Variants in DMD observed in about 807,000 individuals in gnomAD.
DMD encodes mutant dystrophin.
A neutral mutation model predicts 330.1 loss-of-function variants in DMD; 63 were observed. The ratio of observed to expected loss-of-function variants is 0.19; its 90% CI spans 0.16 to 0.24. The LOEUF (loss-of-function observed/expected upper bound fraction) is 0.24. Among genes scored for constraint, DMD ranks in the 10% least tolerant of loss-of-function variants. The pLI, the probability that DMD is intolerant of heterozygous loss-of-function variation, is 1.00. For missense variants in DMD, 3,344 were observed against 2,684.1 expected (o/e 1.25, Z -5.43); for synonymous variants, 1,223 against 959.8 (o/e 1.27, Z -5.07).
chrX:32,440,932 T>C (rs1397805798), intron 28 of DMD, among the ~76,000 whole-genome samples: 4 of 111,304 alleles, frequency 3.6e-5, no homozygotes, highest in African/African-American at 1.3e-4. Context: ...GAAGCATCTA[T>C]GTAGAACTTA....
intron 74 of DMD, among the ~76,000 whole-genome samples, chrX:31,155,612 G>GT (rs201306445): frequency 0.017 from 1,827 of 110,706 alleles, 48 homozygotes; most frequent in African/African-American, 0.057. Context: ...CCAATCAGCA[G>GT]TTTTTTTTTA....
chrX:32,415,318 T>A (rs1293185635), intron 29 of DMD, among the ~76,000 whole-genome samples: 2 of 112,163 alleles, frequency 1.8e-5, no homozygotes, highest in Non-Finnish European at 3.8e-5. Context: ...ATGGCAGAGT[T>A]GACTTCGGGT....
At chrX:32,708,522 T>C (rs1226767576) in intron 7 of DMD, among the ~76,000 whole-genome samples, 1 of 111,546 alleles carries the variant, frequency 9.0e-6, no homozygotes, top group African/African-American at 3.3e-5. Flanking sequence ...AAGTAAATGC[T>C]CAATATATAC....
intron 9 of DMD, among the ~76,000 whole-genome samples, chrX:32,669,400 C>G (rs2061498478): frequency 9.0e-6 from 1 of 111,606 alleles, no homozygotes; most frequent in African/African-American, 3.3e-5. Context: ...ATGGTACTTT[C>G]CTAAGGAAAC....
chrX:31,363,671 C>T (rs1281844099), intron 60 of DMD, among the ~76,000 whole-genome samples: 1 of 111,995 alleles, frequency 8.9e-6, no homozygotes, highest in Non-Finnish European at 1.9e-5. Context: ...AGCCACCGTG[C>T]CCGGCCAAGA....
At chrX:31,925,541 C>A (rs2094758633) in intron 47 of DMD, among the ~76,000 whole-genome samples, 1 of 111,263 alleles carries the variant, frequency 9.0e-6, no homozygotes, top group African/African-American at 3.3e-5. Flanking sequence ...ACATAAACAA[C>A]TGGGGCAGAA....
chrX:31,677,169 C>A (rs1011462637), intron 53 of DMD, among the ~76,000 whole-genome samples: 1 of 110,978 alleles, frequency 9.0e-6, no homozygotes, highest in African/African-American at 3.3e-5. Context: ...TTTGACAATG[C>A]AATTGTTTTG....
At chrX:32,023,678 G>A (rs1482984687) in intron 44 of DMD, among the ~76,000 whole-genome samples, 1 of 111,572 alleles carries the variant, frequency 9.0e-6, no homozygotes, top group Non-Finnish European at 1.9e-5. Context: ...GCAAAGACAT[G>A]CAATCAACCT....
intron 1 of DMD, among the ~76,000 whole-genome samples, chrX:33,305,101 T>G (rs1216741069): frequency 9.1e-6 from 1 of 109,779 alleles, no homozygotes; most frequent in Non-Finnish European, 1.9e-5. Context: ...CATGCTGCTA[T>G]AAAGACACAT....
At chrX:32,708,174 C>A (rs186713476) in intron 7 of DMD, among the ~76,000 whole-genome samples, 1 of 111,452 alleles carries the variant, frequency 9.0e-6, no homozygotes, top group East Asian at 2.8e-4. Flanking sequence ...GGTTATTATT[C>A]TTTCTGGTAT....
intron 60 of DMD, among the ~76,000 whole-genome samples, chrX:31,370,684 T>C (rs2148652073): frequency 8.9e-6 from 1 of 112,306 alleles, no homozygotes; most frequent in African/African-American, 3.2e-5. Flanking sequence ...CTCTTCAGCA[T>C]TTATCTCAGG....
chrX:32,426,026 C>A (rs2098211480), intron 29 of DMD, among the ~76,000 whole-genome samples: 1 of 111,575 alleles, frequency 9.0e-6, no homozygotes, highest in Non-Finnish European at 1.9e-5. Flanking sequence ...TTTAAAAACC[C>A]TGGAGGATAA....
intron 47 of DMD, among the ~76,000 whole-genome samples, chrX:31,920,886 G>A (rs147511282): frequency 0.04 from 4,546 of 112,328 alleles, 77 homozygotes; most frequent in Non-Finnish European, 0.065. Flanking sequence ...TGGCAACAAT[G>A]AAGTTTCACT....
At chrX:32,642,623 CT>C (rs952884530) in intron 11 of DMD, among the ~76,000 whole-genome samples, 2 of 111,947 alleles carry the variant, frequency 1.8e-5, no homozygotes, top group East Asian at 2.8e-4. Flanking sequence ...AGATAAAAGA[CT>C]TTTTTTATGT....
rs780081481 is a variant in DMD at position 31,121,882 on chromosome X, G to A, written c.*37C>T. On this transcript the variant is annotated 3_prime_UTR_variant, in exon 79 of 79. Transcript: ENST00000357033. ...CATGACTGATACTAAGGACTCCATCGCTCTGCCCAAATCATCTGCCATGTG... is the reference window on the plus strand; with the variant it reads ...CATGACTGATACTAAGGACTCCATCACTCTGCCCAAATCATCTGCCATGTG... 9 of 1,207,167 alleles carry A rather than the reference G, an allele frequency of 7.5e-6. No individual in the cohort carries two copies. Among genetic ancestry groups the A allele is most frequent in the South Asian group, 5.3e-5 (3 of 56,818 alleles).
intron 48 of DMD, among the ~76,000 whole-genome samples, chrX:31,855,816 C>A (rs756992234): frequency 6.3e-5 from 7 of 111,566 alleles, no homozygotes; most frequent in Non-Finnish European, 1.1e-4. Flanking sequence ...ATATGGGTTT[C>A]TGAAATCAAG....
intron 64 of DMD, among the ~76,000 whole-genome samples, chrX:31,211,653 A>T (rs776386663): frequency 8.9e-5 from 10 of 112,355 alleles, no homozygotes; most frequent in Non-Finnish European, 1.5e-4. Context: ...TTATCTCTGT[A>T]CAGGTGAATG....
chrX:32,003,025 C>T (rs2095638130), intron 44 of DMD, among the ~76,000 whole-genome samples: 1 of 111,522 alleles, frequency 9.0e-6, no homozygotes, highest in Admixed American at 9.5e-5. Flanking sequence ...TGTTTTTCTC[C>T]TTCAGAGCAT....
At chrX:32,993,568 A>G (rs2093036911) in intron 2 of DMD, among the ~76,000 whole-genome samples, 1 of 109,162 alleles carries the variant, frequency 9.2e-6, no homozygotes, top group Non-Finnish European at 1.9e-5. Context: ...ATGCCACTGC[A>G]CTCCAGCCTG....
Sources: allele counts gnomAD v4.1 joint callset (sites outside exome capture counted in the v4.1 genomes callset), GRCh38; gene constraint gnomAD v4.1.1; transcripts MANE v1.5; gene names NCBI Gene and HGNC (gene_info 2026-07-23, HGNC 2026-07-21).